PPP1R14C: variants seen among roughly 807,000 people sequenced by gnomAD.
PPP1R14C encodes the protein protein phosphatase 1 regulatory subunit 14C.
Under a neutral mutation model 20.4 loss-of-function variants are expected in PPP1R14C, and 16 were observed. The ratio of observed to expected loss-of-function variants is 0.78; its 90% CI spans 0.53 to 1.19. The LOEUF is 1.19. Among genes scored for constraint, PPP1R14C ranks in the 50% most tolerant of loss-of-function variants. The probability of loss-of-function intolerance (pLI) is 0.00; values close to 1 mark genes in which losing one functional copy is unlikely to be tolerated. For synonymous variants in PPP1R14C, 91 were observed against 91.0 expected, an observed-to-expected ratio of 1.00 and a Z score of 0.00; for missense variants, 211 against 220.1, an observed-to-expected ratio of 0.96 and a Z score of 0.26.
chr6:150,195,104 A>T, intron 1 of PPP1R14C: 1 of 983,588 alleles, frequency 1.0e-6, no homozygotes, highest in Non-Finnish European at 1.2e-6. Context: ...GAGGTTACTC[A>T]TGCAATTATG....
Position 150,201,066 on chromosome 6 carries a change from A to G in PPP1R14C, c.307-13678A>G, listed in dbSNP as rs182130075. Among the ~76,000 whole-genome samples the G allele has an allele frequency of 4.6e-5, 7 of 152,322 alleles. No individual in the cohort carries two copies. Among genetic ancestry groups the G allele is most frequent in the Admixed American group, 4.6e-4 (7 of 15,310 alleles). On this transcript the variant is annotated intron_variant, in intron 1 of 3. Coordinates refer to ENST00000361131, the MANE Select transcript of PPP1R14C (RefSeq NM_030949.3). This position sits in a 1 kb window ranked among gnomAD's most constrained non-coding sequence, Gnocchi z 4.2. ...TAGGGGCCATACATTTTGAGGTCAG[A>G]TTGTCCAGGTTTGGAACTAAGGAAG...
At chr6:150,248,697 C>G (rs113779140) in intron 3 of PPP1R14C, 49 bp from the exon 4 acceptor site, 23,597 of 1,290,552 alleles carry the variant, frequency 0.018, 271 homozygotes, top group Non-Finnish European at 0.023. Flanking sequence ...TTTTTAAACA[C>G]AGAATTTTAA....
intron 3 of PPP1R14C, among the ~76,000 whole-genome samples, chr6:150,238,973 A>T (rs1582934181): frequency 6.6e-6 from 1 of 152,120 alleles, no homozygotes; most frequent in Non-Finnish European, 1.5e-5. Flanking sequence ...GTCGAGCGTA[A>T]GCAGTGTCAG....
chr6:150,165,894 C>T (rs1582899548), intron 1 of PPP1R14C, among the ~76,000 whole-genome samples: 2 of 152,242 alleles, frequency 1.3e-5, no homozygotes, highest in East Asian at 3.9e-4. Context: ...AAGTTAAGTA[C>T]TTTTCTCATT....
chr6:150,181,513 T>C (rs1582906764), intron 1 of PPP1R14C, among the ~76,000 whole-genome samples: 2 of 152,378 alleles, frequency 1.3e-5, no homozygotes, highest in East Asian at 3.9e-4. Flanking sequence ...AATGTTCTTT[T>C]CTGCTGCCCT....
intron 1 of PPP1R14C, among the ~76,000 whole-genome samples, chr6:150,150,083 T>C (rs1777227564): frequency 6.6e-6 from 1 of 152,252 alleles, no homozygotes; most frequent in African/African-American, 2.4e-5. Context: ...AAAGGATCAA[T>C]GTTCAGCAAA....
At chr6:150,176,744 C>T (rs181837882) in intron 1 of PPP1R14C, among the ~76,000 whole-genome samples, 62 of 152,254 alleles carry the variant, frequency 4.1e-4, no homozygotes, top group African/African-American at 1.4e-3. Flanking sequence ...TGAGTGAGGC[C>T]CAGGTAAGGG....
intron 1 of PPP1R14C, among the ~76,000 whole-genome samples, chr6:150,188,542 A>G (rs1301437185): frequency 7.6e-6 from 1 of 131,766 alleles, no homozygotes; most frequent in African/African-American, 3.0e-5. Flanking sequence ...GCTGGAGTGC[A>G]GTGAAGTAAT....
intron 1 of PPP1R14C, among the ~76,000 whole-genome samples, chr6:150,155,361 A>G (rs1777294368): frequency 6.6e-6 from 1 of 152,232 alleles, no homozygotes; most frequent in Non-Finnish European, 1.5e-5. Flanking sequence ...TATTTGGTAT[A>G]ATGATAGAAT....
intron 1 of PPP1R14C, among the ~76,000 whole-genome samples, chr6:150,174,698 C>T (rs1777541579): frequency 6.6e-6 from 1 of 151,906 alleles, no homozygotes; most frequent in Non-Finnish European, 1.5e-5. Context: ...GGCGCAGTGG[C>T]TCACGCCTGT....
chr6:150,191,663 G>C (rs1777747995), intron 1 of PPP1R14C, among the ~76,000 whole-genome samples: 1 of 152,222 alleles, frequency 6.6e-6, no homozygotes, highest in South Asian at 2.1e-4. Context: ...CTGCAATATA[G>C]TGTCAAGTCA....
rs1044707500 is a variant in PPP1R14C, at chr6:150,201,400, G to A, written c.307-13344G>A. Among the ~76,000 whole-genome samples, 7 of 152,178 alleles carry A rather than the reference G, an allele frequency of 4.6e-5. No homozygotes were observed. The highest frequency in any genetic ancestry group is 1.4e-4 in the African/African-American group (6 of 41,430). The stretch of plus-strand genomic sequence containing the variant: ...TGCTTTAGGAAGTGATGGCTGACAC[G>A]AGATAACAAGAAGAGTGTCCTACAC... On this transcript the variant is annotated intron_variant, in intron 1 of 3. Transcript: ENST00000361131. The surrounding 1 kb of genome is among the most constrained non-coding windows in gnomAD (Gnocchi z 4.2).
At chr6:150,244,030 C>G (rs915092584) in intron 3 of PPP1R14C, among the ~76,000 whole-genome samples, 5 of 152,150 alleles carry the variant, frequency 3.3e-5, no homozygotes, top group Admixed American at 6.5e-5. Context: ...GGAGATTGCA[C>G]AGAAGCATGA....
chr6:150,178,903 T>C lies in PPP1R14C; in HGVS notation c.306+35405T>C, dbSNP rs1347154848. Among the ~76,000 whole-genome samples the C allele has an allele frequency of 2.0e-5, 3 of 152,172 alleles. No individual in the cohort carries two copies. In the East Asian group the frequency reaches 5.8e-4, roughly 29 times the overall value. ...TGTAGCTCTTGGATGACCAGCTCAA[T>C]ACATGGATGCTGGAGGTGAAGGGAG... On this transcript the variant is annotated intron_variant, in intron 1 of 3. Transcript: ENST00000361131.
chr6:150,232,472 AG>A lies in PPP1R14C; in HGVS notation c.423+15618del, dbSNP rs1778306691. Among the ~76,000 whole-genome samples the A allele has an allele frequency of 2.0e-5, 3 of 152,374 alleles. No homozygotes were observed. The South Asian group carries it at 6.2e-4, about 32-fold the overall frequency. ...TCTTTGGCTTGTGCTTTTTAAAAAA[AG>A]GCTTGTTTAAGAAATCTTTCGTGAC... On this transcript the variant is annotated intron_variant, in intron 3 of 3. Coordinates refer to ENST00000361131, the MANE Select transcript of PPP1R14C (RefSeq NM_030949.3).
At chr6:150,161,060 G>A (rs938284637) in intron 1 of PPP1R14C, among the ~76,000 whole-genome samples, 11 of 151,898 alleles carry the variant, frequency 7.2e-5, no homozygotes, top group South Asian at 2.1e-4. Context: ...AGGGCAGATC[G>A]CCTGAGGTCA....
chr6:150,236,075 AC>A (rs1358952081), intron 3 of PPP1R14C, among the ~76,000 whole-genome samples: 1 of 152,134 alleles, frequency 6.6e-6, no homozygotes, highest in Non-Finnish European at 1.5e-5. Flanking sequence ...TGTGCCCTCC[AC>A]CCCAGGGTGG....
At chr6:150,180,201 C>G (rs575262816) in intron 1 of PPP1R14C, among the ~76,000 whole-genome samples, 3 of 152,232 alleles carry the variant, frequency 2.0e-5, no homozygotes, top group Admixed American at 2.0e-4. Context: ...GACTCCATTT[C>G]AAAAAACAAA....
chr6:150,143,816 C>T lies in PPP1R14C; in HGVS notation c.306+318C>T, dbSNP rs1777151796. 6.6e-6 allele frequency among the ~76,000 whole-genome samples: 1 copy of T among 152,146 alleles called. No individual in the cohort carries two copies. ...GGGCGCCTCTGGGCTCCAGCTGCAG[C>T]TGCGCAAAGCGGGGCTCGGAGGGGC... On this transcript the variant is annotated intron_variant, in intron 1 of 3. Transcript: ENST00000361131. This position sits in a 1 kb window ranked among gnomAD's most constrained non-coding sequence, Gnocchi z 5.6.
Sources: allele counts gnomAD v4.1 joint callset (sites outside exome capture counted in the v4.1 genomes callset), GRCh38; gene constraint gnomAD v4.1.1; non-coding constraint Gnocchi (gnomAD v3.1); transcripts MANE v1.5; gene names NCBI Gene and HGNC (gene_info 2026-07-23, HGNC 2026-07-21).